PCDHA1: variants seen among roughly 807,000 people sequenced by gnomAD.
PCDHA1 encodes the protein protocadherin alpha-1.
PCDHA1 carries 42 observed loss-of-function variants against 61.3 expected under a neutral mutation model. The ratio of observed to expected loss-of-function variants is 0.69; its 90% CI spans 0.54 to 0.89. PCDHA1 has a LOEUF of 0.89. Among genes scored for constraint, PCDHA1 ranks in the 40% least tolerant of loss-of-function variants. The pLI, the probability that PCDHA1 is intolerant of heterozygous loss-of-function variation, is 0.00. For missense variants in PCDHA1, 1,256 were observed against 1,235.3 expected (o/e 1.02, Z -0.25); for synonymous variants, 610 against 553.8 (o/e 1.10, Z -1.43).
chr5:141,004,528 C>T (rs2098169666), intron 3 of PCDHA1, among the ~76,000 whole-genome samples: 1 of 152,230 alleles, frequency 6.6e-6, no homozygotes, highest in Non-Finnish European at 1.5e-5. Flanking sequence ...CCAATACACA[C>T]AGCCATTAAT....
At position 141,010,397 on chromosome 5, in the gene PCDHA1, A is replaced by C; in HGVS notation, c.*460A>C. On this transcript the variant is annotated 3_prime_UTR_variant, in exon 4 of 4. Coordinates refer to ENST00000504120, the MANE Select transcript of PCDHA1 (RefSeq NM_018900.4). ...TGCCAGATATTGGCTGAGACGAGCC[A>C]GCTTAGACTAATTGGTACAAGGAAG... 7.5e-7 allele frequency: 1 copy of C among 1,329,462 alleles called. No individual in the cohort carries two copies. The highest frequency in any genetic ancestry group is 1.0e-6 in the Non-Finnish European group (1 of 994,158). The allele number at this position is 1,329,462 out of a possible 1,614,324, so 82.4% of individuals were successfully genotyped here.
intron 1 of PCDHA1, among the ~76,000 whole-genome samples, chr5:140,878,943 T>C (rs968532854): frequency 6.6e-6 from 1 of 152,220 alleles, no homozygotes; most frequent in Non-Finnish European, 1.5e-5. Context: ...AATAAATATA[T>C]GGTATTGAAA....
Position 140,849,746 on chromosome 5 carries a change from T to G in PCDHA1, c.2394+61062T>G, listed in dbSNP as rs2150447912. On this transcript the variant is annotated intron_variant, in intron 1 of 3. Transcript: ENST00000504120. ...TGGACAGAGCTCTGGACCGCGAGAG[T>G]GTGTCCGCCTACGAGCTGGTGGTTA... The G allele has an allele frequency of 2.3e-5, 37 of 1,597,844 alleles. 5 individuals carry two copies. Among genetic ancestry groups the G allele is most frequent in the Admixed American group, 6.8e-5 (4 of 59,208 alleles).
chr5:140,802,719 G>T, intron 1 of PCDHA1: 2 of 1,612,610 alleles, frequency 1.2e-6, no homozygotes, highest in Non-Finnish European at 8.5e-7. Flanking sequence ...GTCGAGCTAC[G>T]TGTCGGTACA....
intron 3 of PCDHA1, among the ~76,000 whole-genome samples, chr5:140,989,801 G>A (rs1554251107): frequency 1.3e-5 from 2 of 152,184 alleles, no homozygotes; most frequent in Non-Finnish European, 1.5e-5. Context: ...CCCAGGAAAG[G>A]GCCATAAGAT....
intron 1 of PCDHA1, among the ~76,000 whole-genome samples, chr5:140,922,818 C>T (rs530870255): frequency 6.6e-6 from 1 of 152,208 alleles, no homozygotes; most frequent in Admixed American, 6.5e-5. Flanking sequence ...GGAGATACAG[C>T]ATACTGCTAA....
chr5:140,915,681 G>C (rs1261107431), intron 1 of PCDHA1, among the ~76,000 whole-genome samples: 1 of 151,116 alleles, frequency 6.6e-6, no homozygotes, highest in Non-Finnish European at 1.5e-5. Context: ...TCTTGAACTA[G>C]GGGTATGGTG....
intron 1 of PCDHA1, chr5:140,834,733 T>A: frequency 6.2e-7 from 1 of 1,614,226 alleles, no homozygotes; most frequent in Admixed American, 1.7e-5. Context: ...CTGCAGGTTT[T>A]CCATGTGGAC....
rs782537122 is a variant in PCDHA1 at position 140,875,892 on chromosome 5, A to G, written c.2394+87208A>G. On this transcript the variant is annotated intron_variant, in intron 1 of 3. Coordinates refer to ENST00000504120, the MANE Select transcript of PCDHA1 (RefSeq NM_018900.4). ...TGTTCAGAGAAAGGGAACAAAAGGTACCTGTTTCTGAATCTGCGCCTCTGG... is the reference window on the plus strand; with the variant it reads ...TGTTCAGAGAAAGGGAACAAAAGGTGCCTGTTTCTGAATCTGCGCCTCTGG... 9 of 1,614,044 alleles carry G rather than the reference A, an allele frequency of 5.6e-6. No homozygotes were observed. The African/African-American group carries it at 1.2e-4, about 22-fold the overall frequency.
chr5:140,987,563 T>C (rs2097259374), intron 3 of PCDHA1, among the ~76,000 whole-genome samples: 1 of 152,226 alleles, frequency 6.6e-6, no homozygotes, highest in Non-Finnish European at 1.5e-5. Context: ...ATTCTCAGTT[T>C]CTTTCTCTAT....
intron 1 of PCDHA1, among the ~76,000 whole-genome samples, chr5:140,898,431 A>G (rs1482364069): frequency 6.6e-6 from 1 of 152,182 alleles, no homozygotes; most frequent in East Asian, 1.9e-4. Context: ...TCCCAGCACC[A>G]TTTATTAAAT....
chr5:140,888,447 A>G (rs1554183478), intron 1 of PCDHA1, among the ~76,000 whole-genome samples: 1 of 152,190 alleles, frequency 6.6e-6, no homozygotes, highest in Non-Finnish European at 1.5e-5. Context: ...CCCAACAATA[A>G]AGAATTAGCT....
intron 1 of PCDHA1, chr5:140,967,700 G>T: frequency 6.2e-7 from 1 of 1,614,196 alleles, no homozygotes; most frequent in Non-Finnish European, 8.5e-7. Context: ...CAGCATAGAT[G>T]CCAGTACCGG....
At chr5:140,830,376 A>G in intron 1 of PCDHA1, 1 of 1,614,094 alleles carries the variant, frequency 6.2e-7, no homozygotes, top group South Asian at 1.1e-5. Context: ...TGCTCCGGGG[A>G]GGGCCCACCC....
chr5:140,966,561 G>C (rs2153747879), intron 1 of PCDHA1: 1 of 488,962 alleles, frequency 2.0e-6, no homozygotes, highest in Non-Finnish European at 3.4e-6. Context: ...GGAGGAGCTG[G>C]AATATGGGGA....
chr5:141,007,256 G>A (rs1412168610), intron 3 of PCDHA1, among the ~76,000 whole-genome samples: 1 of 152,034 alleles, frequency 6.6e-6, no homozygotes, highest in Non-Finnish European at 1.5e-5. Flanking sequence ...CAAGTTAAAA[G>A]AAGCAGATAC....
In PCDHA1 at chr5:140,829,895, G is replaced by A. The variant is rs2150177199; in HGVS notation, c.2394+41211G>A. The A allele has an allele frequency of 2.8e-5, 45 of 1,613,856 alleles. No homozygotes were observed. The Admixed American group carries it at 6.2e-4, about 22-fold the overall frequency. On this transcript the variant is annotated intron_variant, in intron 1 of 3. Transcript: ENST00000504120. ...GGTGCGCGCAGTTGACGCCGACTCA[G>A]GCTACAACGCGTGGCTTTCGTATGA...
Position 140,986,130 on chromosome 5 carries a change from G to T in PCDHA1, c.2542+3567G>T, listed in dbSNP as rs150350316. ...AGATAAAGATGCCACACTCTGAAAGGATCAACAAGGGCATCACCAAGTAAT... is the reference window on the plus strand; with the variant it reads ...AGATAAAGATGCCACACTCTGAAAGTATCAACAAGGGCATCACCAAGTAAT... On this transcript the variant is annotated intron_variant, in intron 3 of 3. Coordinates refer to ENST00000504120, the MANE Select transcript of PCDHA1 (RefSeq NM_018900.4). 8.5e-5 allele frequency among the ~76,000 whole-genome samples: 13 copies of T among 152,216 alleles called. 1 individual carries two copies. The East Asian group carries it at 2.5e-3, about 29-fold the overall frequency.
At chr5:140,832,439 G>A (rs1771989250) in intron 1 of PCDHA1, among the ~76,000 whole-genome samples, 1 of 152,132 alleles carries the variant, frequency 6.6e-6, no homozygotes, top group Admixed American at 6.6e-5. Context: ...TAATTTTTAA[G>A]CGTGTAATTA....
Sources: allele counts gnomAD v4.1 joint callset (sites outside exome capture counted in the v4.1 genomes callset), GRCh38; gene constraint gnomAD v4.1.1; transcripts MANE v1.5; gene names NCBI Gene and HGNC (gene_info 2026-07-23, HGNC 2026-07-21).